The following ANKRD18B variants were observed in gnomAD, a reference collection of about 807,000 sequenced individuals.
The protein encoded by ANKRD18B is ankyrin repeat domain-containing protein 18B.
A neutral mutation model predicts 111.8 loss-of-function variants in ANKRD18B; 75 were observed. The observed-to-expected ratio is 0.67, with a 90% CI of 0.56 to 0.81. ANKRD18B has a LOEUF of 0.81. Ranked by LOEUF, ANKRD18B falls within the 40% of genes least tolerant of loss-of-function variation. ANKRD18B has a pLI of 0.00. For missense variants in ANKRD18B, 1,038 were observed against 1,225.5 expected, an observed-to-expected ratio of 0.85 and a Z score of 2.28; for synonymous variants, 356 against 417.3, an observed-to-expected ratio of 0.85 and a Z score of 1.79.
At chr9:33,539,907 C>T (rs1427372567) in intron 7 of ANKRD18B, among the ~76,000 whole-genome samples, 171 bp from the exon 8 acceptor site, 1 of 149,572 alleles carries the variant, frequency 6.7e-6, no homozygotes, top group Non-Finnish European at 1.5e-5. Flanking sequence ...TTGTTCATGT[C>T]TCCCTTCATG....
intron 12 of ANKRD18B, among the ~76,000 whole-genome samples, 166 bp from the exon 13 acceptor site, chr9:33,555,542 G>A (rs1285003224): frequency 2.6e-5 from 4 of 152,120 alleles, no homozygotes; most frequent in Non-Finnish European, 5.9e-5. Flanking sequence ...GCTGTTTTAA[G>A]AAAATGACTA....
chr9:33,537,100 C>T (rs990733749), intron 6 of ANKRD18B, among the ~76,000 whole-genome samples, 155 bp downstream of exon 6: 1 of 152,036 alleles, frequency 6.6e-6, no homozygotes, highest in Non-Finnish European at 1.5e-5. Flanking sequence ...ATTTTGAGAC[C>T]AGCCTGGCTA....
intron 12 of ANKRD18B, among the ~76,000 whole-genome samples, chr9:33,554,149 GAGAAAGAAAGAA>G (rs1179266405): frequency 2.1e-5 from 2 of 95,188 alleles, no homozygotes; most frequent in African/African-American, 1.2e-4. Flanking sequence ...GAGAGAGAGA[GAGAAAGAAAGAA>G]AGAGAGAAAG....
chr9:33,561,266 A>T (rs1828602538), intron 14 of ANKRD18B, among the ~76,000 whole-genome samples: 1 of 152,170 alleles, frequency 6.6e-6, no homozygotes, highest in Non-Finnish European at 1.5e-5. Context: ...GGTGGTTTTG[A>T]TTTACATTTT....
intron 14 of ANKRD18B, among the ~76,000 whole-genome samples, chr9:33,562,508 G>A (rs1176623633): frequency 6.6e-6 from 1 of 152,024 alleles, no homozygotes; most frequent in Non-Finnish European, 1.5e-5. Context: ...GGAATAAAAA[G>A]TTTAACTCAT....
chr9:33,538,602 G>A (rs1828234529), intron 6 of ANKRD18B, among the ~76,000 whole-genome samples: 1 of 152,000 alleles, frequency 6.6e-6, no homozygotes, highest in East Asian at 1.9e-4. Context: ...CAGGCATGGG[G>A]GTGGGCACCT....
intron 17 of ANKRD18B, among the ~76,000 whole-genome samples, chr9:33,570,893 C>G (rs1195523458): frequency 1.3e-5 from 2 of 152,148 alleles, no homozygotes; most frequent in African/African-American, 4.8e-5. Context: ...ACATTTGCCT[C>G]CCAAAGTGCT....
chr9:33,553,206 A>C (rs1189233406), intron 12 of ANKRD18B, among the ~76,000 whole-genome samples: 1 of 151,732 alleles, frequency 6.6e-6, no homozygotes, highest in Non-Finnish European at 1.5e-5. Context: ...TACAAAAAAA[A>C]AAAAAAATTA....
chr9:33,551,922 T>C (rs1461702555), intron 12 of ANKRD18B, among the ~76,000 whole-genome samples: 1 of 152,204 alleles, frequency 6.6e-6, no homozygotes, highest in African/African-American at 2.4e-5. Context: ...TCACTGACCT[T>C]ACATCTCAGC....
chr9:33,566,539 C>T, intron 15 of ANKRD18B, 39 bp downstream of exon 15: 5 of 1,580,914 alleles, frequency 3.2e-6, no homozygotes, highest in Non-Finnish European at 4.3e-6. Flanking sequence ...CTGTAATGGG[C>T]TTTCATTTAT....
intron 3 of ANKRD18B, among the ~76,000 whole-genome samples, chr9:33,531,314 C>G (rs142432977): frequency 0.097 from 14,795 of 151,916 alleles, 877 homozygotes; most frequent in Middle Eastern, 0.16. Context: ...CGATACTAGA[C>G]AGAGAAAAAG....
At chr9:33,573,311 C>T (rs1488682468), downstream of ANKRD18B, 2 of 984,344 alleles carry the variant, frequency 2.0e-6, no homozygotes, top group Non-Finnish European at 2.4e-6. Context: ...AGCAAAGGGC[C>T]TTCTAGCTGT....
At chr9:33,542,663 C>T (rs1226434783) in intron 9 of ANKRD18B, among the ~76,000 whole-genome samples, 2 of 152,044 alleles carry the variant, frequency 1.3e-5, no homozygotes, top group African/African-American at 2.4e-5. Context: ...GTGTGAGCTA[C>T]GTCCCCAGCC....
chr9:33,548,755 A>G lies in ANKRD18B; in HGVS notation c.1967A>G (p.Lys656Arg). 6 of 1,550,424 alleles carry G rather than the reference A, an allele frequency of 3.9e-6. No individual in the cohort carries two copies. The highest frequency in any genetic ancestry group is 5.2e-6 in the Non-Finnish European group (6 of 1,146,370). ...NIHRDCLENG[K>R]EDLLEERNKE... ...CACAGAGACTGTCTTGAGAATGGAA[A>G]GGAAGATCTTCTAGAAGAAAGAAAT... is the stretch of plus-strand genomic sequence containing the variant. The change falls in exon 11 of 19, where the codon AAG becomes AGG. Residue 656 changes from lysine (K) to arginine (R), a missense_variant. Lys to Arg is a conservative substitution (Grantham distance 26). Around this residue, in one of 4 missense-constraint regions of ANKRD18B, gnomAD observed 524 missense variants for 677.9 expected, o/e 0.77. Coordinates refer to ENST00000684830, the MANE Select transcript of ANKRD18B (RefSeq NM_001393611.1).
At chr9:33,544,862 G>C (rs1000659484) in intron 10 of ANKRD18B, among the ~76,000 whole-genome samples, 2 of 152,106 alleles carry the variant, frequency 1.3e-5, no homozygotes, top group African/African-American at 2.4e-5. Context: ...TTACAAAAAA[G>C]TTCAACTGAA....
chr9:33,529,434 T>G (rs1828079319), intron 3 of ANKRD18B, among the ~76,000 whole-genome samples: 1 of 152,226 alleles, frequency 6.6e-6, no homozygotes, highest in African/African-American at 2.4e-5. Flanking sequence ...CTACCCCAGG[T>G]GTATTTTTTT....
In ANKRD18B at chr9:33,572,733, T is replaced by C. The variant is rs1828801327; in HGVS notation, c.*299T>C. Reference sequence around the variant, plus strand: ...GGTCATCTTTGCATTTTACACTTTTTATTACCATATATAGTAGGAGACTTA... The same window carrying C: ...GGTCATCTTTGCATTTTACACTTTTCATTACCATATATAGTAGGAGACTTA... On this transcript the variant is annotated 3_prime_UTR_variant, in exon 19 of 19. Coordinates refer to ENST00000684830, the MANE Select transcript of ANKRD18B (RefSeq NM_001393611.1). The C allele has an allele frequency of 9.7e-7, 1 of 1,025,814 alleles. No individual in the cohort carries two copies. Among genetic ancestry groups the C allele is most frequent in the Non-Finnish European group, 1.2e-6 (1 of 854,208 alleles). The allele number at this position is 1,025,814 out of a possible 1,614,324, so 63.5% of individuals were successfully genotyped here. A position where few individuals can be genotyped will look rare whatever the true frequency, so the allele number is the denominator to read the frequency against.
chr9:33,524,749 C>T (rs1330175420), intron 1 of ANKRD18B, 54 bp downstream of exon 1: 1 of 1,517,108 alleles, frequency 6.6e-7, no homozygotes, highest in Non-Finnish European at 8.8e-7. Flanking sequence ...GGTTTCCCCG[C>T]ACCGCCTGAG....
chr9:33,535,900 G>A (rs1327451387), intron 5 of ANKRD18B, among the ~76,000 whole-genome samples: 1 of 150,752 alleles, frequency 6.6e-6, no homozygotes, highest in East Asian at 1.9e-4. Context: ...TGTGAAATGA[G>A]AACAGAGCTG....
Sources: gnomAD v4.1 joint callset for allele counts (sites outside exome capture counted in the v4.1 genomes callset) on GRCh38, gnomAD v4.1.1 for gene constraint, gnomAD v4.1.1 regional missense constraint, MANE v1.5 for transcripts, NCBI Gene and HGNC (gene_info 2026-07-23, HGNC 2026-07-21) for gene names.